ROR1: variants seen among roughly 807,000 people sequenced by gnomAD.
The protein encoded by ROR1 is ROR family WNT receptor 1.
Under a neutral mutation model 78.8 loss-of-function variants are expected in ROR1, and 19 were observed. The observed-to-expected ratio is 0.24, with a 90% confidence interval of 0.17 to 0.35. The LOEUF (loss-of-function observed/expected upper bound fraction) is 0.35. ROR1 is among the 10% of genes least tolerant of loss of function. The pLI is 1.00. For synonymous variants in ROR1, 386 were observed against 433.6 expected, an observed-to-expected ratio of 0.89 and a Z score of 1.36; for missense variants, 917 against 1,177.8, an observed-to-expected ratio of 0.78 and a Z score of 3.24.
At chr1:63,828,505 C>G (rs1569780738) in intron 1 of ROR1, among the ~76,000 whole-genome samples, 1 of 152,182 alleles carries the variant, frequency 6.6e-6, no homozygotes, top group East Asian at 1.9e-4. Context: ...ACAAAAATTA[C>G]TGATGGGGGC....
At chr1:63,922,780 G>C (rs142418639) in intron 1 of ROR1, among the ~76,000 whole-genome samples, 7 of 152,222 alleles carry the variant, frequency 4.6e-5, no homozygotes, top group Non-Finnish European at 8.8e-5. Flanking sequence ...GGAAACTAGA[G>C]ACTTAGAGGG....
intron 1 of ROR1, among the ~76,000 whole-genome samples, chr1:63,861,802 T>C (rs1645183875): frequency 6.6e-6 from 1 of 152,266 alleles, no homozygotes; most frequent in East Asian, 1.9e-4. Context: ...TTTTAGGAAG[T>C]CTTGAAAGAT....
At chr1:63,943,386 C>T (rs1251934308) in intron 1 of ROR1, among the ~76,000 whole-genome samples, 1 of 152,132 alleles carries the variant, frequency 6.6e-6, no homozygotes, top group African/African-American at 2.4e-5. Flanking sequence ...ATTACCCTTC[C>T]CAGGTTAGAG....
At chr1:64,144,027 G>A (rs574554922) in intron 7 of ROR1, among the ~76,000 whole-genome samples, 2 of 152,308 alleles carry the variant, frequency 1.3e-5, no homozygotes, top group African/African-American at 4.8e-5. Context: ...GAGAGATAAA[G>A]TGGCCTTGAC....
intron 1 of ROR1, among the ~76,000 whole-genome samples, chr1:63,912,171 G>A (rs1314834454): frequency 6.6e-6 from 1 of 151,230 alleles, no homozygotes; most frequent in African/African-American, 2.4e-5. Context: ...GGTGGCATGT[G>A]TCTATAGTTC....
intron 2 of ROR1, 38 bp downstream of exon 2, chr1:64,009,414 G>A (rs1158811229): frequency 1.3e-6 from 2 of 1,483,410 alleles, no homozygotes; most frequent in African/African-American, 1.4e-5. Flanking sequence ...CGAGGAAAGA[G>A]GTGTGGAACT....
At chr1:63,893,994 C>T (rs1415496684) in intron 1 of ROR1, among the ~76,000 whole-genome samples, 4 of 152,026 alleles carry the variant, frequency 2.6e-5, no homozygotes, top group Non-Finnish European at 5.9e-5. Context: ...CAATCTTTTA[C>T]CTTATCACTT....
intron 8 of ROR1, among the ~76,000 whole-genome samples, chr1:64,167,273 C>T (rs1307445463): frequency 2.6e-5 from 4 of 152,176 alleles, no homozygotes; most frequent in African/African-American, 9.7e-5. Context: ...TAGAACCTCT[C>T]CCATTGGCAT....
chr1:63,935,440 G>T (rs1645786702), intron 1 of ROR1, among the ~76,000 whole-genome samples: 1 of 152,052 alleles, frequency 6.6e-6, no homozygotes, highest in Admixed American at 6.6e-5. Context: ...AATTGTAGAG[G>T]GTGGCACAGA....
chr1:63,795,337 AT>A (rs1553132390), intron 1 of ROR1, among the ~76,000 whole-genome samples: 1 of 152,164 alleles, frequency 6.6e-6, no homozygotes, highest in Non-Finnish European at 1.5e-5. Context: ...AATCCAAAGT[AT>A]TTGCATTGAA....
chr1:64,062,607 G>A lies in ROR1; in HGVS notation c.482+11891G>A, dbSNP rs190731440. ...ATTACAGGCATGAGCCACTGTGCCC[G>A]GCCCATGTGGGTGTTTTTAAAGCAC... On this transcript the variant is annotated intron_variant, in intron 4 of 8. Coordinates refer to ENST00000371079, the MANE Select transcript of ROR1 (RefSeq NM_005012.4). Among the ~76,000 whole-genome samples, 277 of 152,140 alleles carry A rather than the reference G, an allele frequency of 1.8e-3. 1 individual carries two copies. Among genetic ancestry groups the A allele is most frequent in the African/African-American group, 6.4e-3 (267 of 41,496 alleles).
intron 2 of ROR1, among the ~76,000 whole-genome samples, chr1:64,044,831 C>T (rs1163555384): frequency 3.9e-5 from 6 of 152,124 alleles, no homozygotes; most frequent in Admixed American, 1.3e-4. Flanking sequence ...TAGAATTTTG[C>T]GAAACTTTTA....
intron 4 of ROR1, among the ~76,000 whole-genome samples, chr1:64,097,290 C>T (rs1647336142): frequency 6.6e-6 from 1 of 152,070 alleles, no homozygotes; most frequent in Non-Finnish European, 1.5e-5. Flanking sequence ...CTGAACACTG[C>T]ATCATTGTAA....
intron 7 of ROR1, chr1:64,142,879 C>G: frequency 7.3e-7 from 1 of 1,374,688 alleles, no homozygotes; most frequent in Non-Finnish European, 9.4e-7. Context: ...CCATTGCACT[C>G]ATGGATGTAA....
At chr1:64,011,113 G>A (rs893994934) in intron 2 of ROR1, among the ~76,000 whole-genome samples, 1 of 152,142 alleles carries the variant, frequency 6.6e-6, no homozygotes, top group African/African-American at 2.4e-5. Context: ...ACTTTAGGAT[G>A]GTGGAATGAA....
At chr1:63,795,140 G>A (rs1440229037) in intron 1 of ROR1, among the ~76,000 whole-genome samples, 1 of 152,160 alleles carries the variant, frequency 6.6e-6, no homozygotes. Context: ...AGGGTTGGCA[G>A]CCAGGCTGGT....
chr1:64,174,345 A>C (rs796081603), intron 8 of ROR1, among the ~76,000 whole-genome samples: 55 of 152,330 alleles, frequency 3.6e-4, no homozygotes, highest in African/African-American at 1.3e-3. Flanking sequence ...CTAAGTGCTT[A>C]GAACATTATC....
rs576543448 is a variant in ROR1 at position 63,966,757 on chromosome 1, T to C, written c.92-42548T>C. On this transcript the variant is annotated intron_variant, in intron 1 of 8. Coordinates refer to ENST00000371079, the MANE Select transcript of ROR1 (RefSeq NM_005012.4). ...ATACTGTTTCAGGGCAGTCAAGTTT[T>C]AGCTTTCCTTTCAACTGAGGGAACT... Among the ~76,000 whole-genome samples, 6 of 152,352 alleles carry C rather than the reference T, an allele frequency of 3.9e-5. No homozygotes were observed. The South Asian group carries it at 1.2e-3, about 32-fold the overall frequency.
At chr1:64,048,533 A>G (rs1646803596) in intron 2 of ROR1, among the ~76,000 whole-genome samples, 1 of 152,200 alleles carries the variant, frequency 6.6e-6, no homozygotes, top group South Asian at 2.1e-4. Flanking sequence ...GGATCTATCC[A>G]AGAAGGGGTG....
Sources: allele counts gnomAD v4.1 joint callset (sites outside exome capture counted in the v4.1 genomes callset), GRCh38; gene constraint gnomAD v4.1.1; transcripts MANE v1.5; gene names NCBI Gene and HGNC (gene_info 2026-07-23, HGNC 2026-07-21).